GOLGA1: variants seen among roughly 807,000 people sequenced by gnomAD.
GOLGA1 encodes the protein golgin subfamily A member 1.
A neutral mutation model predicts 119.7 loss-of-function variants in GOLGA1; 63 were observed. That is an observed-to-expected ratio of 0.53 (90% CI 0.43 to 0.65). GOLGA1 has a LOEUF of 0.65. GOLGA1 is among the 30% of genes least tolerant of loss of function. The pLI is 0.00. For missense variants in GOLGA1, 798 were observed against 912.8 expected (o/e 0.87, Z 1.62); for synonymous variants, 318 against 333.4 (o/e 0.95, Z 0.50).
rs529894440 is a variant in GOLGA1, at chr9:124,909,204, T to C, written c.970-732A>G. Among the ~76,000 whole-genome samples the C allele has an allele frequency of 4.6e-5, 7 of 151,680 alleles. No individual in the cohort carries two copies. The South Asian group carries it at 1.3e-3, about 27-fold the overall frequency. On this transcript the variant is annotated intron_variant, in intron 11 of 22. Coordinates refer to ENST00000373555, the MANE Select transcript of GOLGA1 (RefSeq NM_002077.4). Reference sequence around the variant, plus strand: ...GGTGGGTACCTGTAATCCCAGCTACTTGGGAGGTTGAGGCAGGAGAATTAC... The same window carrying C: ...GGTGGGTACCTGTAATCCCAGCTACCTGGGAGGTTGAGGCAGGAGAATTAC...
chr9:124,919,510 G>A (rs535640118), intron 10 of GOLGA1, among the ~76,000 whole-genome samples: 46 of 152,310 alleles, frequency 3.0e-4, no homozygotes, highest in Non-Finnish European at 5.1e-4. Flanking sequence ...AGTAGAATAA[G>A]CATGAGTTCT....
rs773317454 is a variant in GOLGA1 at position 124,881,150 on chromosome 9, C to A, written c.2223+21G>T. ...TGACAACGTATCTTGGAAGCTGGAA[C>A]AGTAGACCAGAGAACCCTACCTTAT... On this transcript the variant is annotated intron_variant, in intron 22 of 22. Transcript: ENST00000373555. The surrounding 1 kb of genome is among the most constrained non-coding windows in gnomAD (Gnocchi z 4.9). The A allele has an allele frequency of 1.5e-5, 19 of 1,263,948 alleles. 1 individual carries two copies. Among genetic ancestry groups the A allele is most frequent in the Non-Finnish European group, 2.0e-5 (17 of 858,726 alleles). 78.3% of individuals were successfully genotyped at this position (1,263,948 alleles called of 1,614,324 possible).
chr9:124,880,480 T>C lies in GOLGA1; in HGVS notation c.*50A>G. The C allele has an allele frequency of 9.8e-7, 1 of 1,016,488 alleles. No homozygotes were observed. The highest frequency in any genetic ancestry group is 1.6e-6 in the Non-Finnish European group (1 of 635,312). The allele number at this position is 1,016,488 out of a possible 1,614,324, so 63.0% of individuals were successfully genotyped here. On this transcript the variant is annotated 3_prime_UTR_variant, in exon 23 of 23. Coordinates refer to ENST00000373555, the MANE Select transcript of GOLGA1 (RefSeq NM_002077.4). ...CCCAGACTGGTGTGTCAGTGTTCTT[T>C]TCACAGAAAAAGTGTCAACCCACGG...
rs377183723 is a variant in GOLGA1, at chr9:124,881,297, A to G, written c.2137-40T>C. On this transcript the variant is annotated intron_variant, in intron 21 of 22. Transcript: ENST00000373555. This position sits in a 1 kb window ranked among gnomAD's most constrained non-coding sequence, Gnocchi z 4.9. ...GTTTTGCTGCCATAGGCCTTGGTGA[A>G]GGTGAGGCGGGGTGGGGTCGGGGGA... 2.0e-4 allele frequency: 240 copies of G among 1,192,050 alleles called. No individual in the cohort carries two copies. The highest frequency in any genetic ancestry group is 3.7e-4 in the Admixed American group (22 of 59,446). The allele number at this position is 1,192,050 out of a possible 1,614,324, so 73.8% of individuals were successfully genotyped here.
chr9:124,904,649 A>C (rs1830183720), intron 12 of GOLGA1, among the ~76,000 whole-genome samples: 2 of 152,120 alleles, frequency 1.3e-5, no homozygotes, highest in Admixed American at 6.6e-5. Flanking sequence ...TCTCCACTAA[A>C]AATACAAAAA....
At chr9:124,910,810 G>T (rs746956791) in intron 11 of GOLGA1, among the ~76,000 whole-genome samples, 2 of 152,098 alleles carry the variant, frequency 1.3e-5, no homozygotes, top group African/African-American at 2.4e-5. Flanking sequence ...AGGGATCCAG[G>T]TTGCACACTC....
At chr9:124,903,651 CAAAAAAA>C (rs11435294) in intron 12 of GOLGA1, among the ~76,000 whole-genome samples, 17 of 91,274 alleles carry the variant, frequency 1.9e-4, no homozygotes, top group Non-Finnish European at 2.8e-4. Flanking sequence ...AGAAAAAGAC[CAAAAAAA>C]AAAAAAAAAA....
At chr9:124,883,084 GATAA>G (rs1231861577) in intron 19 of GOLGA1, among the ~76,000 whole-genome samples, 1 of 150,312 alleles carries the variant, frequency 6.7e-6, no homozygotes, top group Non-Finnish European at 1.5e-5. Context: ...TCCAGTTTTA[GATAA>G]ATAATTTGGA....
chr9:124,895,031 A>G, intron 15 of GOLGA1, among the ~76,000 whole-genome samples: 1 of 151,584 alleles, frequency 6.6e-6, no homozygotes, highest in East Asian at 2.0e-4. Context: ...TTCACAACAG[A>G]GAACCACCCA....
chr9:124,906,239 G>C (rs1368290369), intron 12 of GOLGA1, among the ~76,000 whole-genome samples: 4 of 151,072 alleles, frequency 2.6e-5, no homozygotes, highest in Non-Finnish European at 5.9e-5. Context: ...TTTGAGACCA[G>C]CCTCAACATG....
intron 15 of GOLGA1, among the ~76,000 whole-genome samples, chr9:124,893,555 G>A (rs1829903336): frequency 2.0e-5 from 3 of 152,190 alleles, no homozygotes; most frequent in South Asian, 2.1e-4. Flanking sequence ...GGGCCACCCC[G>A]TGTCCTTCAG....
chr9:124,882,659 TAC>T (rs1207057818), intron 19 of GOLGA1, 90 bp from the exon 20 acceptor site: 4 of 1,024,230 alleles, frequency 3.9e-6, no homozygotes, highest in Non-Finnish European at 4.5e-6. Flanking sequence ...GGATCCCCTG[TAC>T]ACCTGTGAGG....
intron 8 of GOLGA1, among the ~76,000 whole-genome samples, chr9:124,922,438 C>A (rs1282864471): frequency 6.6e-6 from 1 of 150,818 alleles, no homozygotes; most frequent in Non-Finnish European, 1.5e-5. Context: ...GTAGTCCCAG[C>A]TACTCGGGAG....
At chr9:124,938,213 T>C (rs568316799) in intron 3 of GOLGA1, among the ~76,000 whole-genome samples, 1 of 152,344 alleles carries the variant, frequency 6.6e-6, no homozygotes, top group Admixed American at 6.5e-5. Flanking sequence ...AGAGACCTTG[T>C]TAAGCAGCAA....
At chr9:124,895,759 A>T (rs545252153) in intron 15 of GOLGA1, among the ~76,000 whole-genome samples, 2 of 129,176 alleles carry the variant, frequency 1.5e-5, no homozygotes, top group Non-Finnish European at 3.3e-5. Flanking sequence ...ACAACAGAGA[A>T]CCTCCACAAC....
intron 14 of GOLGA1, 96 bp downstream of exon 14, chr9:124,899,233 G>T: frequency 8.6e-7 from 1 of 1,168,246 alleles, no homozygotes. Context: ...TGGTTTCCTA[G>T]TGCAGAGGTG....
rs773344848 is a variant in GOLGA1, at chr9:124,938,754, A to T, written c.-43T>A. 1 of 1,563,026 alleles carries T rather than the reference A, an allele frequency of 6.4e-7. No individual in the cohort carries two copies. Among genetic ancestry groups the T allele is most frequent in the Non-Finnish European group, 8.7e-7 (1 of 1,151,518 alleles). ...CCTGCACAGATGACGAGCTCTCAGT[A>T]GTCCTGGTGCCTGTGTTCAGGATTC... On this transcript the variant is annotated 5_prime_UTR_variant, in exon 3 of 23. Transcript: ENST00000373555.
chr9:124,926,624 C>G (rs1351452908), intron 7 of GOLGA1, 85 bp downstream of exon 7: 2 of 836,732 alleles, frequency 2.4e-6, no homozygotes, highest in Non-Finnish European at 4.2e-6. Flanking sequence ...GTATAGCAAT[C>G]AGTATGTTGG....
At chr9:124,911,775 G>C in intron 11 of GOLGA1, 126 bp downstream of exon 11, 1 of 796,348 alleles carries the variant, frequency 1.3e-6, no homozygotes. Flanking sequence ...AGCCAAAGTT[G>C]GAGACACTTC....
Sources: allele counts gnomAD v4.1 joint callset (sites outside exome capture counted in the v4.1 genomes callset), GRCh38; gene constraint gnomAD v4.1.1; non-coding constraint Gnocchi (gnomAD v3.1); transcripts MANE v1.5; gene names NCBI Gene and HGNC (gene_info 2026-07-23, HGNC 2026-07-21).